The following FGD4 variants were observed in gnomAD, a reference collection of about 807,000 sequenced individuals.
FGD4 encodes FYVE, RhoGEF and PH domain-containing protein 4.
A neutral mutation model predicts 102.0 loss-of-function variants in FGD4; 42 were observed. The observed-to-expected ratio is 0.41, with a 90% confidence interval of 0.32 to 0.53. The LOEUF (loss-of-function observed/expected upper bound fraction) is 0.53, where lower values mean the gene tolerates loss of function less well. Ranked by LOEUF, FGD4 falls within the 20% of genes least tolerant of loss-of-function variation. FGD4 has a pLI of 0.21. For synonymous variants in FGD4, 380 were observed against 375.7 expected, an observed-to-expected ratio of 1.01 and a Z score of -0.13; for missense variants, 902 against 1,078.2, an observed-to-expected ratio of 0.84 and a Z score of 2.29.
intron 1 of FGD4, among the ~76,000 whole-genome samples, chr12:32,479,468 A>G (rs1175878025): frequency 6.6e-6 from 1 of 151,526 alleles, no homozygotes; most frequent in Non-Finnish European, 1.5e-5. Flanking sequence ...AATTCTTACT[A>G]TTTTAAACTC....
chr12:32,595,978 A>G (rs1298881373), intron 4 of FGD4, among the ~76,000 whole-genome samples: 1 of 152,258 alleles, frequency 6.6e-6, no homozygotes, highest in Non-Finnish European at 1.5e-5. Context: ...AGTAGATCTC[A>G]TGTGGTGAAC....
At chr12:32,402,486 G>A (rs1345991252) in intron 1 of FGD4, among the ~76,000 whole-genome samples, 1 of 151,930 alleles carries the variant, frequency 6.6e-6, no homozygotes, top group Non-Finnish European at 1.5e-5. Context: ...GATAAGGCTA[G>A]AGTGCTGTGC....
chr12:32,576,873 G>A (rs180965933), intron 3 of FGD4, among the ~76,000 whole-genome samples: 28 of 152,162 alleles, frequency 1.8e-4, no homozygotes, highest in Non-Finnish European at 3.2e-4. Context: ...CTGTGGGCTT[G>A]TCTCCTCCCT....
Position 32,570,277 on chromosome 12 carries a change from C to T in FGD4, c.319+5988C>T, listed in dbSNP as rs570150365. Among the ~76,000 whole-genome samples the T allele has an allele frequency of 2.8e-5, 4 of 143,676 alleles. No individual in the cohort carries two copies. In the South Asian group the frequency reaches 6.6e-4, roughly 24 times the overall value. 94.3% of individuals were successfully genotyped at this position (143,676 alleles called of 152,430 possible). ...AAAAAAAAAAAGAAATGCTAAAATT[C>T]TAGTCAATCTGATTTGACTGAAATG... On this transcript the variant is annotated intron_variant, in intron 2 of 16. Coordinates refer to ENST00000534526, the MANE Select transcript of FGD4 (RefSeq NM_001370298.3).
chr12:32,536,929 CT>C (rs113194259), intron 1 of FGD4, among the ~76,000 whole-genome samples: 355 of 144,452 alleles, frequency 2.5e-3, no homozygotes, highest in African/African-American at 6.1e-3. Flanking sequence ...TCTCTCTTTT[CT>C]TTTTTTTTTT....
chr12:32,492,621 G>A (rs1370022092), intron 1 of FGD4, among the ~76,000 whole-genome samples: 1 of 152,126 alleles, frequency 6.6e-6, no homozygotes, highest in Non-Finnish European at 1.5e-5. Flanking sequence ...TGTTAAAGCA[G>A]GATGTACAAT....
intron 1 of FGD4, among the ~76,000 whole-genome samples, chr12:32,552,178 C>A (rs1224005926): frequency 6.6e-6 from 1 of 152,222 alleles, no homozygotes; most frequent in Non-Finnish European, 1.5e-5. Context: ...TCTTTACTCC[C>A]ACTTTCCACT....
At chr12:32,595,726 C>A (rs1009479453) in intron 4 of FGD4, among the ~76,000 whole-genome samples, 1 of 152,148 alleles carries the variant, frequency 6.6e-6, no homozygotes, top group Non-Finnish European at 1.5e-5. Context: ...GGCTGGCAAC[C>A]AACAATGCCA....
intron 1 of FGD4, among the ~76,000 whole-genome samples, chr12:32,556,658 A>G (rs1565836451): frequency 6.6e-6 from 1 of 151,906 alleles, no homozygotes; most frequent in Non-Finnish European, 1.5e-5. Flanking sequence ...GGAGTTCGAG[A>G]CCAGCCTGGC....
intron 1 of FGD4, among the ~76,000 whole-genome samples, chr12:32,557,281 C>A (rs1944198257): frequency 6.6e-6 from 1 of 152,022 alleles, no homozygotes; most frequent in Non-Finnish European, 1.5e-5. Flanking sequence ...GTTAACAGAC[C>A]AAAATATGAA....
At chr12:32,441,029 C>T (rs951468020) in intron 1 of FGD4, among the ~76,000 whole-genome samples, 2 of 152,160 alleles carry the variant, frequency 1.3e-5, no homozygotes, top group African/African-American at 4.8e-5. Flanking sequence ...TGGCCTGGGA[C>T]TCACCCTTCA....
intron 11 of FGD4, among the ~76,000 whole-genome samples, chr12:32,620,106 A>G (rs1949716516): frequency 6.6e-6 from 1 of 152,172 alleles, no homozygotes; most frequent in Non-Finnish European, 1.5e-5. Context: ...CAGTAAATTG[A>G]TTAACTCTTC....
intron 1 of FGD4, among the ~76,000 whole-genome samples, chr12:32,535,936 A>G (rs1942212080): frequency 6.6e-6 from 1 of 152,202 alleles, no homozygotes; most frequent in African/African-American, 2.4e-5. Flanking sequence ...CACTACAACA[A>G]TATGGACTTT....
chr12:32,509,966 G>C (rs1276220944), intron 1 of FGD4, among the ~76,000 whole-genome samples: 2 of 152,210 alleles, frequency 1.3e-5, no homozygotes, highest in Non-Finnish European at 2.9e-5. Flanking sequence ...AGATGTCCTG[G>C]AGAGACTCCA....
At chr12:32,585,856 AAAAAG>A (rs1415468072) in intron 4 of FGD4, among the ~76,000 whole-genome samples, 20 of 142,854 alleles carry the variant, frequency 1.4e-4, no homozygotes, top group Non-Finnish European at 2.6e-4. Flanking sequence ...AAAAAAAAAA[AAAAAG>A]GGAAATGCAG....
At chr12:32,572,025 A>G (rs1286297588) in intron 2 of FGD4, among the ~76,000 whole-genome samples, 1 of 152,126 alleles carries the variant, frequency 6.6e-6, no homozygotes, top group Non-Finnish European at 1.5e-5. Flanking sequence ...TGATTGCACC[A>G]GTGCACTCCA....
At chr12:32,417,011 G>A (rs761102552) in intron 1 of FGD4, among the ~76,000 whole-genome samples, 95 of 151,152 alleles carry the variant, frequency 6.3e-4, no homozygotes, top group African/African-American at 1.1e-3. Context: ...ATTCTCCTGC[G>A]TCAGCCTCCT....
At chr12:32,470,347 T>A (rs1943380928) in intron 1 of FGD4, among the ~76,000 whole-genome samples, 1 of 152,156 alleles carries the variant, frequency 6.6e-6, no homozygotes, top group Non-Finnish European at 1.5e-5. Context: ...AAGCAGAGCT[T>A]ACAAGTTTTT....
chr12:32,449,514 T>C (rs1303704773), intron 1 of FGD4, among the ~76,000 whole-genome samples: 1 of 152,222 alleles, frequency 6.6e-6, no homozygotes, highest in African/African-American at 2.4e-5. Context: ...TTCCTTGTGA[T>C]TGAATTCAGG....
Sources: gnomAD v4.1 joint callset for allele counts (sites outside exome capture counted in the v4.1 genomes callset) on GRCh38, gnomAD v4.1.1 for gene constraint, MANE v1.5 for transcripts, NCBI Gene and HGNC (gene_info 2026-07-23, HGNC 2026-07-21) for gene names.